DNAH5: variants seen among roughly 807,000 people sequenced by gnomAD.
The protein encoded by DNAH5 is axonemal beta dynein heavy chain 5.
A neutral mutation model predicts 518.2 loss-of-function variants in DNAH5; 372 were observed. That is an observed-to-expected ratio of 0.72 (90% CI 0.66 to 0.78). DNAH5 has a LOEUF of 0.78. Ranked by LOEUF, DNAH5 falls within the 30% of genes least tolerant of loss-of-function variation. The pLI, the probability that DNAH5 is intolerant of heterozygous loss-of-function variation, is 0.00. For synonymous variants in DNAH5, 2,039 were observed against 2,025.9 expected (o/e 1.01, Z -0.17); for missense variants, 5,523 against 5,687.0 (o/e 0.97, Z 0.93).
intron 1 of DNAH5, among the ~76,000 whole-genome samples, chr5:13,996,045 A>C (rs568661142): frequency 6.6e-6 from 1 of 152,326 alleles, no homozygotes; most frequent in East Asian, 1.9e-4. Flanking sequence ...ATTATCAGAA[A>C]TAGCCTTGAC....
At chr5:13,976,657 T>C (rs1000578843) in intron 1 of DNAH5, among the ~76,000 whole-genome samples, 2 of 150,750 alleles carry the variant, frequency 1.3e-5, no homozygotes, top group African/African-American at 4.9e-5. Flanking sequence ...ATCATAGGTA[T>C]GTATGTATAG....
intron 1 of DNAH5, among the ~76,000 whole-genome samples, chr5:13,976,136 G>A (rs1025216375): frequency 6.6e-6 from 1 of 152,198 alleles, no homozygotes; most frequent in Non-Finnish European, 1.5e-5. Flanking sequence ...CCTAGATTTA[G>A]TTAAAACTAA....
intron 1 of DNAH5, among the ~76,000 whole-genome samples, chr5:13,962,983 G>C (rs572365574): frequency 6.6e-6 from 1 of 152,150 alleles, no homozygotes; most frequent in Admixed American, 6.5e-5. Context: ...CAGTCGCCGC[G>C]TCCCAAGAGC....
intron 1 of DNAH5, among the ~76,000 whole-genome samples, chr5:13,972,673 G>A (rs114167517): frequency 1.4e-3 from 208 of 152,254 alleles, no homozygotes; most frequent in African/African-American, 4.6e-3. Context: ...TTGGGCACTC[G>A]GAGTTTCTCA....
At position 13,916,388 on chromosome 5, in the gene DNAH5, T is replaced by A; in HGVS notation, c.1157A>T (p.Tyr386Phe). 2 of 1,535,840 alleles carry A rather than the reference T, an allele frequency of 1.3e-6. No individual in the cohort carries two copies. The highest frequency in any genetic ancestry group is 2.2e-5 in the South Asian group (2 of 89,416). ...AIKMIYSISHYYNTSEKITSL... is the reference protein window; with the variant it reads ...AIKMIYSISHFYNTSEKITSL... ...TGTGATCTTCTCAGAGGTATTATAG[T>A]AATGAGAGATACTATAGATCATTTT... The change falls in exon 9 of 79, where the codon TAC (tyrosine) becomes TTC (phenylalanine). Residue 386 changes from tyrosine (Y) to phenylalanine (F), a missense_variant. Around this residue, in one of 3 missense-constraint regions of DNAH5, gnomAD observed 5,121 missense variants for 5,223.3 expected, o/e 0.98. Transcript: ENST00000265104.
At chr5:13,743,372 A>C (rs1748876033) in intron 65 of DNAH5, among the ~76,000 whole-genome samples, 1 of 152,078 alleles carries the variant, frequency 6.6e-6, no homozygotes, top group African/African-American at 2.4e-5. Flanking sequence ...CTATAAAACT[A>C]CTAGAAGAAA....
chr5:13,696,097 G>C (rs1358455444), intron 78 of DNAH5, among the ~76,000 whole-genome samples: 1 of 152,174 alleles, frequency 6.6e-6, no homozygotes, highest in African/African-American at 2.4e-5. Context: ...GAATGGGTCA[G>C]ACGGTGTTCT....
At chr5:13,704,869 T>G (rs1579825641) in intron 76 of DNAH5, among the ~76,000 whole-genome samples, 1 of 151,776 alleles carries the variant, frequency 6.6e-6, no homozygotes, top group Non-Finnish European at 1.5e-5. Context: ...GACTAGAGGG[T>G]GGAGTGAGGA....
At chr5:13,999,814 C>T (rs1462878581) in intron 1 of DNAH5, among the ~76,000 whole-genome samples, 1 of 152,220 alleles carries the variant, frequency 6.6e-6, no homozygotes, top group African/African-American at 2.4e-5. Flanking sequence ...CTACCAACAG[C>T]ATGCAAGGGC....
At chr5:13,943,700 G>A (rs1779669503) in intron 1 of DNAH5, among the ~76,000 whole-genome samples, 1 of 149,796 alleles carries the variant, frequency 6.7e-6, no homozygotes. Flanking sequence ...CAACAGGCTA[G>A]GGGGGATCAT....
chr5:13,772,471 C>T (rs528350235), intron 55 of DNAH5, among the ~76,000 whole-genome samples: 2 of 152,216 alleles, frequency 1.3e-5, no homozygotes, highest in Non-Finnish European at 2.9e-5. Flanking sequence ...AGAAGCAGAA[C>T]ACTCCCTCTT....
At chr5:13,715,256 A>G (rs72730646) in intron 74 of DNAH5, among the ~76,000 whole-genome samples, 147 of 152,318 alleles carry the variant, frequency 9.7e-4, no homozygotes, top group South Asian at 6.0e-3. Flanking sequence ...TCTATGTATG[A>G]ATCTTATCCT....
chr5:13,859,370 A>T lies in DNAH5; in HGVS notation c.4950+82T>A, dbSNP rs1768060115. On this transcript the variant is annotated intron_variant, in intron 30 of 78. Coordinates refer to ENST00000265104, the MANE Select transcript of DNAH5 (RefSeq NM_001369.3). ...GAAGGGGGTTCAATAGAAGTGGAAT[A>T]TTATTGCATTATTTAAGGGGGTAAT... The T allele has an allele frequency of 4.9e-6, 7 of 1,438,396 alleles. No individual in the cohort carries two copies. In the South Asian group the frequency reaches 6.9e-5, roughly 14 times the overall value. The allele number at this position is 1,438,396 out of a possible 1,614,324, so 89.1% of individuals were successfully genotyped here.
chr5:13,771,164 G>A, intron 55 of DNAH5, 184 bp from the exon 56 acceptor site: 1 of 600,318 alleles, frequency 1.7e-6, no homozygotes, highest in East Asian at 2.8e-5. Flanking sequence ...TTTATTTTCT[G>A]TTGTATATAT....
chr5:13,903,532 G>T (rs949251115), intron 12 of DNAH5, among the ~76,000 whole-genome samples: 1 of 151,648 alleles, frequency 6.6e-6, no homozygotes, highest in Non-Finnish European at 1.5e-5. Flanking sequence ...ACAGAAAGAT[G>T]CCAAAGGTAA....
chr5:13,721,261 T>C lies in DNAH5; in HGVS notation c.12034-16A>G, dbSNP rs1451554774. 6.8e-6 allele frequency: 11 copies of C among 1,613,926 alleles called. No homozygotes were observed. In the African/African-American group the frequency reaches 1.3e-4, roughly 20 times the overall value. ...ACTTGCGGGCCTGCCAAAAACAGTA[T>C]ACAAGTCAGTAAAAGTCATTCCAAC... On this transcript the variant is annotated splice_polypyrimidine_tract_variant and intron_variant, in intron 70 of 78. Coordinates refer to ENST00000265104, the MANE Select transcript of DNAH5 (RefSeq NM_001369.3).
At chr5:13,927,378 G>C (rs933631409) in intron 3 of DNAH5, among the ~76,000 whole-genome samples, 21 of 152,090 alleles carry the variant, frequency 1.4e-4, no homozygotes, top group Non-Finnish European at 2.4e-4. Flanking sequence ...TGTAGTCCCA[G>C]CTACAGGCTG....
chr5:13,847,659 G>T (rs887988466), intron 31 of DNAH5, among the ~76,000 whole-genome samples: 7 of 151,804 alleles, frequency 4.6e-5, no homozygotes, highest in Admixed American at 1.3e-4. Flanking sequence ...GGGAGGCGGA[G>T]GCTGCAGTGG....
rs375100071 is a variant in DNAH5 at position 13,871,686 on chromosome 5, A to C, written c.3476T>G (p.Phe1159Cys). The C allele has an allele frequency of 6.2e-7, 1 of 1,613,828 alleles. No individual in the cohort carries two copies. Among genetic ancestry groups the C allele is most frequent in the Non-Finnish European group, 8.5e-7 (1 of 1,179,822 alleles). ...QKGKEEAIKTFITQSPLLSEF... is the reference protein window; with the variant it reads ...QKGKEEAIKTCITQSPLLSEF... ...AGAAAGCAAGGGGCTCTGTGTAATA[A>C]ATGTCTTAATGGCTTCTTCTTTTCC... Residue 1159 changes from phenylalanine (F) to cysteine (C), a missense_variant, in exon 23 of 79, where the codon TTT becomes TGT. Physicochemically the swap from Phe to Cys is radical, Grantham distance 205 (BLOSUM62 -2). Around this residue, in one of 3 missense-constraint regions of DNAH5, gnomAD observed 5,121 missense variants for 5,223.3 expected, o/e 0.98. Transcript: ENST00000265104.
Sources: gnomAD v4.1 joint callset for allele counts (sites outside exome capture counted in the v4.1 genomes callset) on GRCh38, gnomAD v4.1.1 for gene constraint, gnomAD v4.1.1 regional missense constraint, MANE v1.5 for transcripts, NCBI Gene and HGNC (gene_info 2026-07-23, HGNC 2026-07-21) for gene names.